CDH22: variants seen among roughly 807,000 people sequenced by gnomAD.
The protein encoded by CDH22 is cadherin 22.
CDH22 carries 30 observed loss-of-function variants against 58.4 expected under a neutral mutation model. The ratio of observed to expected loss-of-function variants is 0.51; its 90% CI spans 0.38 to 0.70. The LOEUF (loss-of-function observed/expected upper bound fraction) is 0.70, where lower values mean the gene tolerates loss of function less well. Among genes scored for constraint, CDH22 ranks in the 30% least tolerant of loss-of-function variants. CDH22 has a pLI of 0.00. For missense variants in CDH22, 1,014 were observed against 1,233.9 expected (o/e 0.82, Z 2.67); for synonymous variants, 513 against 558.2 (o/e 0.92, Z 1.14).
chr20:46,217,824 C>T (rs4813014), intron 4 of CDH22, among the ~76,000 whole-genome samples: 138,469 of 152,270 alleles, frequency 0.91, 63,169 homozygotes, highest in Middle Eastern at 0.94. Flanking sequence ...TCCTCCCACA[C>T]AAACACACAC....
chr20:46,254,554 CAAAAAAAAAA>C (rs1257630029), intron 1 of CDH22, among the ~76,000 whole-genome samples: 1 of 64,128 alleles, frequency 1.6e-5, no homozygotes, highest in Non-Finnish European at 3.5e-5. Context: ...AATTCCATCT[CAAAAAAAAAA>C]AAAAAAAAAA....
chr20:46,262,115 G>A (rs760244452), intron 1 of CDH22, among the ~76,000 whole-genome samples: 10 of 152,052 alleles, frequency 6.6e-5, no homozygotes, highest in Non-Finnish European at 1.5e-4. Context: ...TCTACTCTTC[G>A]TGTGCTGAGC....
chr20:46,234,727 A>AT lies in CDH22; in HGVS notation c.550+6235dup, dbSNP rs201771942. Among the ~76,000 whole-genome samples the AT allele has an allele frequency of 2.8e-3, 431 of 152,264 alleles. 1 individual carries two copies. The highest frequency in any genetic ancestry group is 0.01 in the African/African-American group (421 of 41,546). On this transcript the variant is annotated intron_variant, in intron 3 of 11. Transcript: ENST00000537909. ...GCAGACATTACTAATCCATCATGGCATTTTTTCTACCAAGGCTGAATGAGA... is the reference window on the plus strand; with the variant it reads ...GCAGACATTACTAATCCATCATGGCATTTTTTTCTACCAAGGCTGAATGAGA...
At chr20:46,257,541 A>G (rs2086412566) in intron 1 of CDH22, among the ~76,000 whole-genome samples, 2 of 152,148 alleles carry the variant, frequency 1.3e-5, no homozygotes, top group African/African-American at 2.4e-5. Context: ...GGGCAGCGGC[A>G]ATGATGGCGT....
Position 46,241,084 on chromosome 20 carries a change from G to T in CDH22, c.429C>A (p.Ala143=), listed in dbSNP as rs1247931864. The change falls in exon 3 of 12, where the codon GCC becomes GCA. Residue 143 remains alanine, a synonymous_variant. Transcript: ENST00000537909. This position sits in a 1 kb window ranked among gnomAD's most constrained non-coding sequence, Gnocchi z 5.2. ...ACTCGGGCTCCAGTAGGCGGTTGGT[G>T]GCGCGATCCCGAGCCTGGGCCCGCA... ...YTLRAQARDR[A]TNRLLEPESE... is the part of the protein sequence containing the mutation. 1.2e-6 allele frequency: 2 copies of T among 1,614,070 alleles called. No individual in the cohort carries two copies. Among genetic ancestry groups the T allele is most frequent in the African/African-American group, 2.7e-5 (2 of 74,924 alleles).
chr20:46,273,146 A>C (rs561867057), intron 1 of CDH22, among the ~76,000 whole-genome samples: 2 of 152,258 alleles, frequency 1.3e-5, no homozygotes, highest in African/African-American at 4.8e-5. Context: ...CACCTTGTTC[A>C]GGCCATGAAC....
At chr20:46,224,218 G>A (rs141152329) in intron 4 of CDH22, among the ~76,000 whole-genome samples, 28 of 152,260 alleles carry the variant, frequency 1.8e-4, no homozygotes, top group Admixed American at 5.2e-4. Flanking sequence ...ACTGCTTGAC[G>A]TTATGTTATA....
intron 7 of CDH22, among the ~76,000 whole-genome samples, chr20:46,206,443 T>C (rs533280777): frequency 6.6e-6 from 1 of 152,344 alleles, no homozygotes; most frequent in Admixed American, 6.5e-5. Flanking sequence ...TGCTTTCCTA[T>C]AATTTCCAGG....
chr20:46,243,755 T>C (rs965236501), intron 2 of CDH22, among the ~76,000 whole-genome samples: 3 of 152,218 alleles, frequency 2.0e-5, no homozygotes, highest in African/African-American at 4.8e-5. Flanking sequence ...TGTCTGCTTA[T>C]TTCATCAGCA....
chr20:46,178,759 G>C (rs2085762510), intron 10 of CDH22, among the ~76,000 whole-genome samples: 1 of 152,018 alleles, frequency 6.6e-6, no homozygotes, highest in Non-Finnish European at 1.5e-5. Flanking sequence ...ACTCTGGCTG[G>C]CATCTGCCTT....
At chr20:46,305,188 C>T (rs1339597225) in intron 1 of CDH22, among the ~76,000 whole-genome samples, 1 of 152,238 alleles carries the variant, frequency 6.6e-6, no homozygotes, top group African/African-American at 2.4e-5. Flanking sequence ...GCCTTGTCTC[C>T]TCCATGGGCG....
chr20:46,280,770 G>C (rs1205453178), intron 1 of CDH22, among the ~76,000 whole-genome samples: 3 of 152,200 alleles, frequency 2.0e-5, no homozygotes, highest in African/African-American at 7.2e-5. Context: ...TAGTTTGCAG[G>C]TTGCTGCGGG....
At chr20:46,195,033 AGCT>A (rs1451945276) in intron 8 of CDH22, among the ~76,000 whole-genome samples, 2 of 152,292 alleles carry the variant, frequency 1.3e-5, no homozygotes, top group Non-Finnish European at 2.9e-5. Context: ...CCCAGCCAGG[AGCT>A]GCTATTATTA....
chr20:46,253,086 C>T (rs1281833605), intron 1 of CDH22, among the ~76,000 whole-genome samples: 1 of 152,142 alleles, frequency 6.6e-6, no homozygotes, highest in Non-Finnish European at 1.5e-5. Context: ...GGGAGGCTGA[C>T]CTGGCCCTAG....
Position 46,174,393 on chromosome 20 carries a change from A to C in CDH22, c.*113T>G. 1 of 710,678 alleles carries C rather than the reference A, an allele frequency of 1.4e-6. No homozygotes were observed. The highest frequency in any genetic ancestry group is 2.2e-6 in the Non-Finnish European group (1 of 464,554). 44.0% of individuals were successfully genotyped at this position (710,678 alleles called of 1,614,324 possible). On this transcript the variant is annotated 3_prime_UTR_variant, in exon 12 of 12. Coordinates refer to ENST00000537909, the MANE Select transcript of CDH22 (RefSeq NM_021248.3). This position sits in a 1 kb window ranked among gnomAD's most constrained non-coding sequence, Gnocchi z 4.4. ...AAGTCCCCCCTCCGTCCAGCCGCCA[A>C]GGGAGGGTTGGGGGAGGGCAGGAAA...
chr20:46,263,910 C>T (rs1600720819), intron 1 of CDH22, among the ~76,000 whole-genome samples: 2 of 152,176 alleles, frequency 1.3e-5, no homozygotes, highest in Non-Finnish European at 1.5e-5. Context: ...ACTGGGGACC[C>T]GTGAGAAGGT....
At chr20:46,195,563 C>T (rs1197850893) in intron 8 of CDH22, among the ~76,000 whole-genome samples, 1 of 151,902 alleles carries the variant, frequency 6.6e-6, no homozygotes, top group Non-Finnish European at 1.5e-5. Context: ...TGGCTGGGTG[C>T]CCCCCTTGGC....
rs1423241374 is a variant in CDH22 at position 46,251,275 on chromosome 20, C to T, written c.20G>A (p.Gly7Asp). The T allele has an allele frequency of 6.8e-7, 1 of 1,461,190 alleles. No homozygotes were observed. The highest frequency in any genetic ancestry group is 1.3e-5 in the South Asian group (1 of 75,368). 90.5% of individuals were successfully genotyped at this position (1,461,190 alleles called of 1,614,324 possible). A position where few individuals can be genotyped will look rare whatever the true frequency, so the allele number is the denominator to read the frequency against. Residue 7 changes from glycine to aspartate, a missense_variant, in exon 2 of 12, where the codon GGT becomes GAT. Physicochemically the swap from Gly to Asp is moderately conservative, Grantham distance 94. Coordinates refer to ENST00000537909, the MANE Select transcript of CDH22 (RefSeq NM_021248.3). This position sits in a 1 kb window ranked among gnomAD's most constrained non-coding sequence, Gnocchi z 6.7. ...CGCGACTCCCGCCCGGAGCCCCCTA[C>T]CTTCGGGCCTCGGCCTCATCCTTGG... is the stretch of plus-strand genomic sequence containing the variant. MRPRPE[G>D]RGLRAGVALS...
At chr20:46,212,911 TG>T (rs1041596727) in intron 6 of CDH22, 83 bp downstream of exon 6, 34 of 1,090,840 alleles carry the variant, frequency 3.1e-5, no homozygotes, top group African/African-American at 1.1e-4. Context: ...TGGAGTGAGG[TG>T]GGGGTATTCG....
Sources: allele counts gnomAD v4.1 joint callset (sites outside exome capture counted in the v4.1 genomes callset), GRCh38; gene constraint gnomAD v4.1.1; non-coding constraint Gnocchi (gnomAD v3.1); transcripts MANE v1.5; gene names NCBI Gene and HGNC (gene_info 2026-07-23, HGNC 2026-07-21).